GABRB3: variants seen among roughly 807,000 people sequenced by gnomAD.
The protein encoded by GABRB3 is gamma-aminobutyric acid type A receptor subunit beta3.
A neutral mutation model predicts 52.1 loss-of-function variants in GABRB3; 14 were observed. The observed-to-expected ratio is 0.27, with a 90% CI of 0.18 to 0.42. The LOEUF is 0.42. GABRB3 is among the 10% of genes least tolerant of loss of function. The pLI is 1.00. For synonymous variants in GABRB3, 260 were observed against 232.3 expected (o/e 1.12, Z -1.08); for missense variants, 307 against 609.1 (o/e 0.50, Z 5.22).
intron 6 of GABRB3, among the ~76,000 whole-genome samples, chr15:26,571,144 G>A (rs957094644): frequency 6.6e-6 from 1 of 151,998 alleles, no homozygotes; most frequent in Non-Finnish European, 1.5e-5. Context: ...GCAATTTCAT[G>A]GCAACCTCAG....
intron 4 of GABRB3, among the ~76,000 whole-genome samples, chr15:26,601,659 T>A (rs1891593758): frequency 6.6e-6 from 1 of 152,182 alleles, no homozygotes; most frequent in African/African-American, 2.4e-5. Context: ...ACTGTTTTGT[T>A]TGTTCATGCA....
intron 3 of GABRB3, among the ~76,000 whole-genome samples, chr15:26,689,251 G>A (rs572445321): frequency 7.2e-4 from 110 of 152,296 alleles, no homozygotes; most frequent in African/African-American, 2.4e-3. Context: ...CACACCACAG[G>A]AAAAGGGACA....
In GABRB3 at chr15:26,716,912, C is replaced by A. The variant is rs1889492660; in HGVS notation, c.240+55490G>T. On this transcript the variant is annotated intron_variant, in intron 3 of 8. Transcript: ENST00000311550. ...TCTGAGGACCTCCACCCAACCACAG[C>A]CTAGCTCTGGGGACCTCCACCCAAC... is the stretch of plus-strand genomic sequence containing the variant. 3.4e-6 allele frequency: 3 copies of A among 875,010 alleles called. No homozygotes were observed. The African/African-American group carries it at 6.5e-5, about 19-fold the overall frequency. 54.2% of individuals were successfully genotyped at this position (875,010 alleles called of 1,614,324 possible). A position where few individuals can be genotyped will look rare whatever the true frequency, so the allele number is the denominator to read the frequency against.
chr15:26,594,657 G>C (rs894900793), intron 4 of GABRB3, among the ~76,000 whole-genome samples: 3 of 152,014 alleles, frequency 2.0e-5, no homozygotes, highest in African/African-American at 7.2e-5. Flanking sequence ...CAACATGCCT[G>C]GCTAGATTTT....
At chr15:26,636,396 T>C (rs1003325320) in intron 3 of GABRB3, among the ~76,000 whole-genome samples, 1 of 152,098 alleles carries the variant, frequency 6.6e-6, no homozygotes, top group Non-Finnish European at 1.5e-5. Context: ...GGATACATGC[T>C]CTCCTGCCTT....
chr15:26,652,420 T>A (rs1424796794), intron 3 of GABRB3, among the ~76,000 whole-genome samples: 2 of 152,202 alleles, frequency 1.3e-5, no homozygotes, highest in African/African-American at 4.8e-5. Flanking sequence ...TTTGGCAGAA[T>A]TTGGTTTTCT....
rs183609966 is a variant in GABRB3 at position 26,688,675 on chromosome 15, C to T, written c.241-67141G>A. Reference sequence around the variant, plus strand: ...CATACTGGATAAAGGCTACTGTGATCCACATTCACTGCATTGGTTCTATGG... The same window carrying T: ...CATACTGGATAAAGGCTACTGTGATTCACATTCACTGCATTGGTTCTATGG... On this transcript the variant is annotated intron_variant, in intron 3 of 8. Transcript: ENST00000311550. 3.3e-5 allele frequency among the ~76,000 whole-genome samples: 5 copies of T among 152,278 alleles called. No homozygotes were observed. The East Asian group carries it at 9.7e-4, about 29-fold the overall frequency.
At chr15:26,700,114 A>C (rs1888879998) in intron 3 of GABRB3, among the ~76,000 whole-genome samples, 1 of 152,158 alleles carries the variant, frequency 6.6e-6, no homozygotes, top group South Asian at 2.1e-4. Context: ...AAAAACAAAC[A>C]AAACAGAGAA....
chr15:26,708,269 T>A (rs1347936823), intron 3 of GABRB3, among the ~76,000 whole-genome samples: 2 of 152,162 alleles, frequency 1.3e-5, no homozygotes, highest in Non-Finnish European at 2.9e-5. Flanking sequence ...GTGTGCTATG[T>A]CCCAGTTGGC....
intron 3 of GABRB3, among the ~76,000 whole-genome samples, chr15:26,744,858 C>G (rs574653566): frequency 6.6e-6 from 1 of 152,020 alleles, no homozygotes; most frequent in Non-Finnish European, 1.5e-5. Context: ...TAAGTGTATA[C>G]GTGTGTGTGT....
chr15:26,773,086 C>T (rs1891204005), upstream of GABRB3: 2 of 966,840 alleles, frequency 2.1e-6, no homozygotes, highest in Admixed American at 5.6e-5. Context: ...CGGAGGAGGG[C>T]GGAGGGGGAG....
chr15:26,764,383 G>A (rs1890939040), intron 3 of GABRB3, among the ~76,000 whole-genome samples: 2 of 151,830 alleles, frequency 1.3e-5, no homozygotes, highest in South Asian at 4.2e-4. Flanking sequence ...GAACTGTGAT[G>A]TTCTCAGATC....
intron 6 of GABRB3, among the ~76,000 whole-genome samples, chr15:26,571,368 A>G (rs1328127847): frequency 1.3e-5 from 2 of 152,222 alleles, no homozygotes; most frequent in African/African-American, 4.8e-5. Context: ...CTCTGGTAGA[A>G]GAGCTATACA....
intron 3 of GABRB3, among the ~76,000 whole-genome samples, chr15:26,749,346 A>G (rs1280788273): frequency 1.3e-5 from 2 of 152,102 alleles, no homozygotes; most frequent in Non-Finnish European, 2.9e-5. Flanking sequence ...TCTTTCTGTC[A>G]CTGATTTCTA....
At chr15:26,593,979 A>AAAAT (rs1891300589) in intron 4 of GABRB3, among the ~76,000 whole-genome samples, 1 of 17,332 alleles carries the variant, frequency 5.8e-5, no homozygotes, top group Non-Finnish European at 1.1e-4. Flanking sequence ...TTCTCATTTT[A>AAAAT]AAATATATAT....
intron 7 of GABRB3, among the ~76,000 whole-genome samples, chr15:26,566,051 G>A (rs981348): frequency 0.98 from 150,068 of 152,364 alleles, 73,932 homozygotes; most frequent in East Asian, 1. Flanking sequence ...AGCAATATAC[G>A]TATTTTTAAA....
At position 26,759,400 on chromosome 15, in the gene GABRB3, A is replaced by C. The variant is rs948587909; in HGVS notation, c.240+13002T>G. ...CTCAGCCCCCTGAGTAGCTGGGATT[A>C]CAGGCACACGCCACCATGCCCAGCT... On this transcript the variant is annotated intron_variant, in intron 3 of 8. Coordinates refer to ENST00000311550, the MANE Select transcript of GABRB3 (RefSeq NM_000814.6). Among the ~76,000 whole-genome samples the C allele has an allele frequency of 2.0e-5, 3 of 152,188 alleles. No homozygotes were observed. In the East Asian group the frequency reaches 5.8e-4, roughly 29 times the overall value.
chr15:26,700,780 G>T (rs1566810895), intron 3 of GABRB3, among the ~76,000 whole-genome samples: 1 of 152,220 alleles, frequency 6.6e-6, no homozygotes, highest in African/African-American at 2.4e-5. Context: ...TCTCGGCCAG[G>T]TACAGTGGCT....
chr15:26,675,799 G>A (rs765535288), intron 3 of GABRB3, among the ~76,000 whole-genome samples: 1 of 152,154 alleles, frequency 6.6e-6, no homozygotes. Context: ...CTAAAGACAG[G>A]CCAGGGTGAT....
Sources: gnomAD v4.1 joint callset for allele counts (sites outside exome capture counted in the v4.1 genomes callset) on GRCh38, gnomAD v4.1.1 for gene constraint, MANE v1.5 for transcripts, NCBI Gene and HGNC (gene_info 2026-07-23, HGNC 2026-07-21) for gene names.